The following FGFR2 variants were observed in gnomAD, a reference collection of about 807,000 sequenced individuals.
FGFR2 encodes fibroblast growth factor receptor 2, also known as BEK fibroblast growth factor receptor.
Under a neutral mutation model 95.9 loss-of-function variants are expected in FGFR2, and 19 were observed. That is an observed-to-expected ratio of 0.20 (90% confidence interval 0.14 to 0.29). The LOEUF (loss-of-function observed/expected upper bound fraction) is 0.29. Among genes scored for constraint, FGFR2 ranks in the 10% least tolerant of loss-of-function variants. FGFR2 has a pLI of 1.00. For missense variants in FGFR2, 707 were observed against 1,056.9 expected (o/e 0.67, Z 4.59); for synonymous variants, 392 against 393.3 (o/e 1.00, Z 0.04).
intron 9 of FGFR2, among the ~76,000 whole-genome samples, chr10:121,513,398 T>C (rs150054979): frequency 8.5e-4 from 130 of 152,284 alleles, no homozygotes; most frequent in African/African-American, 2.6e-3. Flanking sequence ...GAAAACACGA[T>C]GACTGTGGCT....
chr10:121,565,851 C>A, intron 2 of FGFR2, 147 bp from the exon 3 acceptor site: 1 of 908,206 alleles, frequency 1.1e-6, no homozygotes, highest in Non-Finnish European at 1.7e-6. Context: ...CCACCTCTCC[C>A]CAAGCCCCAG....
intron 2 of FGFR2, among the ~76,000 whole-genome samples, chr10:121,588,422 G>T (rs75824196): frequency 6.9e-6 from 1 of 144,018 alleles, no homozygotes; most frequent in South Asian, 2.2e-4. Context: ...AAAAAAAAAA[G>T]AACTTGGCCT....
rs75849498 is a variant in FGFR2, at chr10:121,596,551, T to C, written c.-151+1411A>G. 344 of 198,678 alleles carry C rather than the reference T, an allele frequency of 1.7e-3. 8 individuals are homozygous for C. In the East Asian group the frequency reaches 0.027, roughly 15 times the overall value. 12.3% of individuals were successfully genotyped at this position (198,678 alleles called of 1,614,324 possible). ...CCGGCTCCTCCAAAGTGCAGACCCA[T>C]CTCTTCGCTTAAGGCCTCCCTACTT... On this transcript the variant is annotated intron_variant, in intron 1 of 17. Transcript: ENST00000358487.
intron 6 of FGFR2, among the ~76,000 whole-genome samples, chr10:121,535,159 C>CT (rs1368177314): frequency 1.2e-4 from 19 of 152,112 alleles, no homozygotes; most frequent in Non-Finnish European, 2.5e-4. Context: ...AGGACAGCTA[C>CT]CAGAAGCTGG....
chr10:121,500,656 GATAA>G (rs1379632682), intron 11 of FGFR2, among the ~76,000 whole-genome samples, 166 bp downstream of exon 11: 3 of 152,306 alleles, frequency 2.0e-5, no homozygotes, highest in East Asian at 1.9e-4. Context: ...CACAGCTCAA[GATAA>G]ATAGTCTGTC....
At chr10:121,503,615 T>A (rs894683359) in intron 10 of FGFR2, among the ~76,000 whole-genome samples, 175 bp downstream of exon 10, 6 of 152,142 alleles carry the variant, frequency 3.9e-5, no homozygotes, top group Non-Finnish European at 5.9e-5. Flanking sequence ...TTTTTTTTTT[T>A]AAATCCATTT....
At position 121,485,578 on chromosome 10, in the gene FGFR2, G is replaced by A; in HGVS notation, c.2058-46C>T. ...ACGGCATTACTAACCCATCCACGTT[G>A]CCAAAACCTAAACACGCCCAGCTGA... is the stretch of plus-strand genomic sequence containing the variant. On this transcript the variant is annotated intron_variant, in intron 15 of 17. Transcript: ENST00000358487. The surrounding 1 kb of genome is among the most constrained non-coding windows in gnomAD (Gnocchi z 4.2). The A allele has an allele frequency of 6.2e-7, 1 of 1,613,518 alleles. No homozygotes were observed. The highest frequency in any genetic ancestry group is 8.5e-7 in the Non-Finnish European group (1 of 1,179,786).
chr10:121,507,593 A>G (rs1366520489), intron 9 of FGFR2, among the ~76,000 whole-genome samples: 2 of 152,206 alleles, frequency 1.3e-5, no homozygotes, highest in Admixed American at 6.5e-5. Flanking sequence ...ATCTCAAAAA[A>G]GAAAAGAGGA....
chr10:121,521,393 C>A (rs538539737), intron 6 of FGFR2, among the ~76,000 whole-genome samples: 1 of 152,204 alleles, frequency 6.6e-6, no homozygotes, highest in South Asian at 2.1e-4. Flanking sequence ...GCGGTCTCTG[C>A]AAAACTTTTG....
chr10:121,500,730 C>G (rs2134001857), intron 11 of FGFR2, 96 bp downstream of exon 11: 1 of 1,546,662 alleles, frequency 6.5e-7, no homozygotes, highest in Non-Finnish European at 8.8e-7. Context: ...TGCTCTCTGA[C>G]CCCGTGCCAT....
intron 2 of FGFR2, among the ~76,000 whole-genome samples, chr10:121,569,283 C>T (rs1172082911): frequency 4.6e-5 from 7 of 150,586 alleles, no homozygotes; most frequent in East Asian, 1.9e-4. Flanking sequence ...TCCAGTGGCA[C>T]GATCTCGGCT....
At chr10:121,540,494 A>G (rs1405112399) in intron 5 of FGFR2, among the ~76,000 whole-genome samples, 5 of 152,128 alleles carry the variant, frequency 3.3e-5, no homozygotes, top group Admixed American at 1.3e-4. Context: ...AGAATTCCCT[A>G]CCTAAATCCT....
In FGFR2 at chr10:121,517,338, T is replaced by C. The variant is rs1219679394; in HGVS notation, c.1065A>G (p.Ala355=). ...GNSIGISFHS[A]WLTVLPAPGR... ...ATATACCTGGCAGAACTGTCAACCA[T>C]GCAGAGTGAAAGGATATCCCAATAG... Residue 355 remains alanine (A), a synonymous_variant, in exon 8 of 18, where the codon GCA becomes GCG. Transcript: ENST00000358487. The surrounding 1 kb of genome is among the most constrained non-coding windows in gnomAD (Gnocchi z 4.7). 4 of 1,614,012 alleles carry C rather than the reference T, an allele frequency of 2.5e-6. No homozygotes were observed. The highest frequency in any genetic ancestry group is 2.7e-5 in the African/African-American group (2 of 74,920).
chr10:121,597,868 C>G (rs535948180), intron 1 of FGFR2, 94 bp downstream of exon 1: 1 of 382,966 alleles, frequency 2.6e-6, no homozygotes, highest in Admixed American at 4.5e-5. Flanking sequence ...CCGCGCCCCC[C>G]GCCCGGAGGA....
chr10:121,487,534 A>G, intron 14 of FGFR2, 110 bp from the exon 15 acceptor site: 1 of 832,188 alleles, frequency 1.2e-6, no homozygotes, highest in Non-Finnish European at 2.0e-6. Flanking sequence ...GGTTTTTACT[A>G]GTCAGTCAAT....
intron 2 of FGFR2, among the ~76,000 whole-genome samples, chr10:121,576,135 C>T (rs944249218): frequency 3.9e-5 from 6 of 152,122 alleles, no homozygotes; most frequent in African/African-American, 1.2e-4. Flanking sequence ...TGCCGTGAGC[C>T]GAGATCACGC....
intron 2 of FGFR2, among the ~76,000 whole-genome samples, chr10:121,581,858 A>G (rs1158158021): frequency 1.3e-5 from 2 of 150,142 alleles, no homozygotes; most frequent in African/African-American, 4.9e-5. Context: ...CCTCCGGCCC[A>G]TGCTTTTCCT....
At chr10:121,548,133 C>A (rs751758395) in intron 5 of FGFR2, among the ~76,000 whole-genome samples, 1 of 152,078 alleles carries the variant, frequency 6.6e-6, no homozygotes, top group Non-Finnish European at 1.5e-5. Context: ...GCGGGCCAAC[C>A]TCCCAGGCCG....
intron 4 of FGFR2, among the ~76,000 whole-genome samples, chr10:121,555,234 A>T (rs1481827421): frequency 6.6e-6 from 1 of 152,170 alleles, no homozygotes; most frequent in Non-Finnish European, 1.5e-5. Context: ...TTAGCTGGAC[A>T]TGGTGACGCA....
Sources: gnomAD v4.1 joint callset for allele counts (sites outside exome capture counted in the v4.1 genomes callset) on GRCh38, gnomAD v4.1.1 for gene constraint, Gnocchi (gnomAD v3.1) non-coding constraint, MANE v1.5 for transcripts, NCBI Gene and HGNC (gene_info 2026-07-23, HGNC 2026-07-21) for gene names.